Variants in PHACTR3 observed in about 807,000 individuals in gnomAD.
The protein encoded by PHACTR3 is protein phosphatase 1, regulatory subunit 123.
PHACTR3 carries 16 observed loss-of-function variants against 66.8 expected under a neutral mutation model. That is an observed-to-expected ratio of 0.24 (90% CI 0.16 to 0.36). PHACTR3 has a LOEUF of 0.36. PHACTR3 is among the 10% of genes least tolerant of loss of function. The pLI is 1.00. For missense variants in PHACTR3, 647 were observed against 719.9 expected, an observed-to-expected ratio of 0.90 and a Z score of 1.16; for synonymous variants, 323 against 292.1, an observed-to-expected ratio of 1.11 and a Z score of -1.08.
chr20:59,659,375 T>TG (rs1184750409), intron 1 of PHACTR3, among the ~76,000 whole-genome samples: 1 of 144,066 alleles, frequency 6.9e-6, no homozygotes, highest in Non-Finnish European at 1.5e-5. Context: ...TGGGACTTTT[T>TG]TTTTTTTTTT....
chr20:59,707,591 CG>C lies in PHACTR3; in HGVS notation c.119-35515del, dbSNP rs749087221. On this transcript the variant is annotated intron_variant, in intron 1 of 12. Transcript: ENST00000371015. ...AAGTGATTCTCCTGCTTCAGCCTCC[CG>C]AGTGGCTGGGACTAGGGGGCATGCC... Among the ~76,000 whole-genome samples the C allele has an allele frequency of 5.4e-4, 82 of 151,900 alleles. 1 individual carries two copies. The highest frequency in any genetic ancestry group is 9.4e-4 in the Non-Finnish European group (64 of 67,940).
At chr20:59,628,797 C>A (rs6070876) in intron 1 of PHACTR3, 14 of 985,242 alleles carry the variant, frequency 1.4e-5, no homozygotes, top group Non-Finnish European at 1.7e-5. Flanking sequence ...CACAGCCCTG[C>A]GCTGGGAAGA....
chr20:59,800,468 T>G (rs1161953907), intron 7 of PHACTR3, among the ~76,000 whole-genome samples: 1 of 152,228 alleles, frequency 6.6e-6, no homozygotes, highest in African/African-American at 2.4e-5. Flanking sequence ...TTCATTACTT[T>G]GTAATTGTTG....
intron 1 of PHACTR3, among the ~76,000 whole-genome samples, chr20:59,624,979 C>T (rs138851460): frequency 2.6e-5 from 4 of 152,224 alleles, no homozygotes; most frequent in Non-Finnish European, 4.4e-5. Context: ...ATCCAGATCC[C>T]GCATGACATC....
At chr20:59,610,169 C>G (rs541021694) in intron 1 of PHACTR3, among the ~76,000 whole-genome samples, 1 of 152,190 alleles carries the variant, frequency 6.6e-6, no homozygotes, top group Non-Finnish European at 1.5e-5. Flanking sequence ...CCGGGAGGAT[C>G]GCTTGAGCTG....
At chr20:59,656,513 T>C (rs1449432869) in intron 1 of PHACTR3, among the ~76,000 whole-genome samples, 1 of 151,936 alleles carries the variant, frequency 6.6e-6, no homozygotes, top group Admixed American at 6.6e-5. Context: ...ATTCTTTACT[T>C]CAAACTGTTT....
intron 1 of PHACTR3, among the ~76,000 whole-genome samples, chr20:59,688,347 G>T (rs554876686): frequency 2.0e-5 from 3 of 152,292 alleles, no homozygotes; most frequent in African/African-American, 7.2e-5. Context: ...GGGTCATTTG[G>T]GGGCCATGTA....
At chr20:59,590,733 C>T (rs1600873134) in intron 1 of PHACTR3, among the ~76,000 whole-genome samples, 1 of 152,286 alleles carries the variant, frequency 6.6e-6, no homozygotes, top group African/African-American at 2.4e-5. Context: ...GCTCACTGTT[C>T]TGCAGCCTGC....
intron 1 of PHACTR3, among the ~76,000 whole-genome samples, chr20:59,656,232 G>C (rs2035614852): frequency 6.6e-6 from 1 of 151,840 alleles, no homozygotes; most frequent in African/African-American, 2.4e-5. Context: ...CTATTCATGA[G>C]TGAAAGTGGG....
At chr20:59,746,905 A>C (rs940338907) in intron 2 of PHACTR3, among the ~76,000 whole-genome samples, 1 of 152,236 alleles carries the variant, frequency 6.6e-6, no homozygotes, top group East Asian at 1.9e-4. Context: ...AAGGCGGGGA[A>C]ATCATCACAG....
chr20:59,592,657 C>T (rs1448498856), intron 1 of PHACTR3, among the ~76,000 whole-genome samples: 2 of 152,206 alleles, frequency 1.3e-5, no homozygotes, highest in African/African-American at 4.8e-5. Flanking sequence ...TTCCTCTCTT[C>T]CTTCTCTGCA....
intron 2 of PHACTR3, among the ~76,000 whole-genome samples, chr20:59,743,984 G>T (rs1044484781): frequency 6.6e-6 from 1 of 152,180 alleles, no homozygotes; most frequent in Admixed American, 6.5e-5. Flanking sequence ...GGCTGGTCCC[G>T]TTGCCCCCGC....
intron 1 of PHACTR3, among the ~76,000 whole-genome samples, chr20:59,609,934 T>C (rs2033798316): frequency 6.6e-6 from 1 of 152,216 alleles, no homozygotes; most frequent in Non-Finnish European, 1.5e-5. Context: ...GCATTGCCTG[T>C]TCATTATAGA....
At chr20:59,734,364 G>T (rs1326643978) in intron 1 of PHACTR3, among the ~76,000 whole-genome samples, 1 of 152,076 alleles carries the variant, frequency 6.6e-6, no homozygotes, top group Non-Finnish European at 1.5e-5. Flanking sequence ...CAATCCTCCT[G>T]CCTCAGCCTC....
intron 4 of PHACTR3, among the ~76,000 whole-genome samples, chr20:59,758,111 C>G (rs2039870393): frequency 7.3e-6 from 1 of 136,070 alleles, no homozygotes; most frequent in Non-Finnish European, 1.6e-5. Flanking sequence ...GGTGACCCAG[C>G]AAGACCTGGG....
intron 1 of PHACTR3, among the ~76,000 whole-genome samples, chr20:59,727,299 T>TC (rs34092143): frequency 6.6e-6 from 1 of 152,128 alleles, no homozygotes; most frequent in South Asian, 2.1e-4. Flanking sequence ...TGGGGAATGT[T>TC]CCATGGTCTG....
chr20:59,696,675 G>C (rs898865717), intron 1 of PHACTR3, among the ~76,000 whole-genome samples: 12 of 152,160 alleles, frequency 7.9e-5, no homozygotes, highest in African/African-American at 2.9e-4. Context: ...TCCTGCCCTG[G>C]CTCTGTCCAC....
chr20:59,754,526 A>G (rs2039714830), intron 3 of PHACTR3, among the ~76,000 whole-genome samples: 1 of 152,234 alleles, frequency 6.6e-6, no homozygotes, highest in South Asian at 2.1e-4. Context: ...TTACAGTGCC[A>G]GACACGTAGC....
chr20:59,642,537 A>G (rs973885701), intron 1 of PHACTR3, among the ~76,000 whole-genome samples: 3 of 151,912 alleles, frequency 2.0e-5, no homozygotes, highest in African/African-American at 7.3e-5. Context: ...AAATTAATAC[A>G]TCAGAAGCTT....
Sources: gnomAD v4.1 joint callset for allele counts (sites outside exome capture counted in the v4.1 genomes callset) on GRCh38, gnomAD v4.1.1 for gene constraint, MANE v1.5 for transcripts, NCBI Gene and HGNC (gene_info 2026-07-23, HGNC 2026-07-21) for gene names.